The following COL25A1 variants were observed in gnomAD, a reference collection of about 807,000 sequenced individuals.
The protein encoded by COL25A1 is collagen alpha-1(XXV) chain.
In COL25A1, 103 loss-of-function variants were observed where a neutral mutation model predicts 128.4. That is an observed-to-expected ratio of 0.80 (90% CI 0.68 to 0.94). The LOEUF is 0.94. Among genes scored for constraint, COL25A1 ranks in the 40% least tolerant of loss-of-function variants. The pLI is 0.00. For synonymous variants in COL25A1, 279 were observed against 277.2 expected, an observed-to-expected ratio of 1.01 and a Z score of -0.06; for missense variants, 745 against 840.0, an observed-to-expected ratio of 0.89 and a Z score of 1.40.
intron 3 of COL25A1, among the ~76,000 whole-genome samples, chr4:109,212,229 T>A (rs142493347): frequency 6.6e-6 from 1 of 152,208 alleles, no homozygotes; most frequent in African/African-American, 2.4e-5. Flanking sequence ...AGTTCTCTGA[T>A]ATGGTTACAG....
chr4:109,211,238 A>ATG (rs1777486009), intron 3 of COL25A1, among the ~76,000 whole-genome samples: 2 of 136,936 alleles, frequency 1.5e-5, no homozygotes, highest in African/African-American at 2.7e-5. Flanking sequence ...GTGTGTATGT[A>ATG]TATATATGAA....
At chr4:109,063,781 C>G (rs768075180) in intron 3 of COL25A1, among the ~76,000 whole-genome samples, 1 of 152,034 alleles carries the variant, frequency 6.6e-6, no homozygotes, top group Non-Finnish European at 1.5e-5. Context: ...AAGTAAGCCC[C>G]GTCCAGATTA....
At chr4:108,944,156 T>A (rs1748457618) in intron 8 of COL25A1, among the ~76,000 whole-genome samples, 1 of 152,194 alleles carries the variant, frequency 6.6e-6, no homozygotes. Context: ...GAGAAAATCT[T>A]ATCTCTTTTG....
intron 6 of COL25A1, among the ~76,000 whole-genome samples, chr4:108,979,979 G>C (rs773233244): frequency 1.3e-5 from 2 of 152,192 alleles, no homozygotes; most frequent in African/African-American, 4.8e-5. Context: ...CAGGCCCGGG[G>C]GGAAGGGATG....
At chr4:108,848,498 A>C (rs975600980) in intron 27 of COL25A1, among the ~76,000 whole-genome samples, 1 of 152,214 alleles carries the variant, frequency 6.6e-6, no homozygotes, top group African/African-American at 2.4e-5. Context: ...TGATTTTACA[A>C]GTCTATTAAA....
At chr4:109,124,031 A>G (rs1427080719) in intron 3 of COL25A1, among the ~76,000 whole-genome samples, 1 of 152,162 alleles carries the variant, frequency 6.6e-6, no homozygotes, top group Non-Finnish European at 1.5e-5. Context: ...AGTATGTTTC[A>G]TTCACAAAAA....
At chr4:108,877,264 A>C (rs1739555628) in intron 19 of COL25A1, among the ~76,000 whole-genome samples, 1 of 152,216 alleles carries the variant, frequency 6.6e-6, no homozygotes, top group Non-Finnish European at 1.5e-5. Context: ...TGATCTTTCC[A>C]TTTAGGCAGT....
chr4:109,215,230 A>C (rs975900312), intron 3 of COL25A1, among the ~76,000 whole-genome samples: 9 of 152,168 alleles, frequency 5.9e-5, no homozygotes, highest in Non-Finnish European at 1.2e-4. Flanking sequence ...TGTCCTTCAC[A>C]AAATGAAGAT....
At chr4:109,034,289 C>G (rs1235487194) in intron 5 of COL25A1, among the ~76,000 whole-genome samples, 2 of 152,128 alleles carry the variant, frequency 1.3e-5, no homozygotes, top group Non-Finnish European at 2.9e-5. Context: ...ACACAATAAA[C>G]TATGAAAAAT....
At chr4:108,981,711 C>T (rs770111604) in intron 6 of COL25A1, among the ~76,000 whole-genome samples, 9 of 152,154 alleles carry the variant, frequency 5.9e-5, no homozygotes, top group African/African-American at 2.2e-4. Flanking sequence ...CTCCTTGTTC[C>T]GCAATTTCTT....
At chr4:109,292,810 T>C (rs1282583718) in intron 3 of COL25A1, among the ~76,000 whole-genome samples, 1 of 152,050 alleles carries the variant, frequency 6.6e-6, no homozygotes, top group Non-Finnish European at 1.5e-5. Flanking sequence ...AAGCAGTTAT[T>C]TAAGAAGCAT....
At chr4:109,156,178 A>G (rs1265412931) in intron 3 of COL25A1, among the ~76,000 whole-genome samples, 2 of 152,176 alleles carry the variant, frequency 1.3e-5, no homozygotes, top group African/African-American at 4.8e-5. Context: ...GTGCTTTGGG[A>G]CAAGTCTGAC....
chr4:108,928,147 G>A (rs1436181222), intron 11 of COL25A1, among the ~76,000 whole-genome samples: 12 of 151,990 alleles, frequency 7.9e-5, no homozygotes, highest in Non-Finnish European at 1.2e-4. Flanking sequence ...ACAAATTTAT[G>A]GTTCACAAAG....
At chr4:108,973,193 A>T (rs943870200) in intron 8 of COL25A1, among the ~76,000 whole-genome samples, 1 of 152,188 alleles carries the variant, frequency 6.6e-6, no homozygotes, top group African/African-American at 2.4e-5. Flanking sequence ...TAATCACTTA[A>T]GGTTATGAGA....
chr4:108,838,474 C>G (rs1369606254), intron 31 of COL25A1, among the ~76,000 whole-genome samples: 1 of 151,598 alleles, frequency 6.6e-6, no homozygotes, highest in East Asian at 1.9e-4. Flanking sequence ...CATGTTATAC[C>G]ACATTTTTAT....
chr4:108,882,184 G>A (rs1026526386), intron 19 of COL25A1, among the ~76,000 whole-genome samples: 6 of 151,936 alleles, frequency 3.9e-5, no homozygotes, highest in African/African-American at 1.2e-4. Context: ...GGCAAATTCC[G>A]AGGGTCCAGT....
intron 3 of COL25A1, among the ~76,000 whole-genome samples, chr4:109,106,284 G>A (rs775482341): frequency 6.6e-6 from 1 of 152,136 alleles, no homozygotes; most frequent in Non-Finnish European, 1.5e-5. Flanking sequence ...GCGATGAACA[G>A]TGAAATTTCT....
At chr4:109,113,304 C>G (rs911927679) in intron 3 of COL25A1, among the ~76,000 whole-genome samples, 2 of 152,092 alleles carry the variant, frequency 1.3e-5, no homozygotes, top group African/African-American at 4.8e-5. Flanking sequence ...GACCCTGTAT[C>G]CTGGACATTG....
intron 22 of COL25A1, among the ~76,000 whole-genome samples, chr4:108,862,058 G>T (rs1046088626): frequency 6.6e-6 from 1 of 152,156 alleles, no homozygotes; most frequent in African/African-American, 2.4e-5. Context: ...ATTGCAGATA[G>T]TATAAAGAGT....
Sources: gnomAD v4.1 joint callset for allele counts (sites outside exome capture counted in the v4.1 genomes callset) on GRCh38, gnomAD v4.1.1 for gene constraint, MANE v1.5 for transcripts, NCBI Gene and HGNC (gene_info 2026-07-23, HGNC 2026-07-21) for gene names.